CENPP: variants seen among roughly 807,000 people sequenced by gnomAD.
The protein encoded by CENPP is centromere protein P.
CENPP carries 24 observed loss-of-function variants against 35.6 expected under a neutral mutation model. That is an observed-to-expected ratio of 0.67 (90% confidence interval 0.49 to 0.95). The LOEUF (loss-of-function observed/expected upper bound fraction) is 0.95. Ranked by LOEUF, CENPP falls within the 40% of genes least tolerant of loss-of-function variation. The pLI, the probability that CENPP is intolerant of heterozygous loss-of-function variation, is 0.00. For missense variants in CENPP, 332 were observed against 345.3 expected (o/e 0.96, Z 0.31); for synonymous variants, 120 against 125.5 (o/e 0.96, Z 0.29).
In CENPP at chr9:92,616,201, T is replaced by C; in HGVS notation, c.*3052T>C. On this transcript the variant is annotated 3_prime_UTR_variant, in exon 8 of 8. Transcript: ENST00000375587. ...GCAAAGTTAGATAAATCAATCTCTTTTAAAAGAGAAGTGAATGGCCTCACA... is the reference window on the plus strand; with the variant it reads ...GCAAAGTTAGATAAATCAATCTCTTCTAAAAGAGAAGTGAATGGCCTCACA... 2 of 627,582 alleles carry C rather than the reference T, an allele frequency of 3.2e-6. No individual in the cohort carries two copies. Among genetic ancestry groups the C allele is most frequent in the South Asian group, 3.9e-5 (2 of 50,824 alleles). The allele number at this position is 627,582 out of a possible 1,614,324, so 38.9% of individuals were successfully genotyped here. A position where few individuals can be genotyped will look rare whatever the true frequency, so the allele number is the denominator to read the frequency against.
intron 5 of CENPP, among the ~76,000 whole-genome samples, chr9:92,395,180 G>A (rs1248134664): frequency 1.3e-5 from 2 of 152,042 alleles, no homozygotes; most frequent in African/African-American, 4.8e-5. Flanking sequence ...GTTTTCTCCT[G>A]CCCTTTGGTA....
At chr9:92,573,564 G>A (rs1850203164) in intron 5 of CENPP, among the ~76,000 whole-genome samples, 1 of 152,236 alleles carries the variant, frequency 6.6e-6, no homozygotes, top group Admixed American at 6.5e-5. Flanking sequence ...CACTTGAGAA[G>A]GCGGTCTGTC....
intron 5 of CENPP, among the ~76,000 whole-genome samples, chr9:92,525,540 CA>C (rs1222412927): frequency 6.6e-6 from 1 of 152,118 alleles, no homozygotes; most frequent in Non-Finnish European, 1.5e-5. Context: ...ACGCATTACT[CA>C]TAATGTTTGT....
rs1256837961 is a variant in CENPP at position 92,593,116 on chromosome 9, C to G, written c.565-18198C>G. Among the ~76,000 whole-genome samples the G allele has an allele frequency of 2.0e-5, 3 of 152,220 alleles. No homozygotes were observed. The highest frequency in any genetic ancestry group is 7.2e-5 in the African/African-American group (3 of 41,452). ...CAGCCCTGGCATCATCTGCCCTAAG[C>G]ATCCACTTCTCAATCCCAGGTGGCA... On this transcript the variant is annotated intron_variant, in intron 5 of 7. Transcript: ENST00000375587. The surrounding 1 kb of genome is among the most constrained non-coding windows in gnomAD (Gnocchi z 4.1).
intron 5 of CENPP, among the ~76,000 whole-genome samples, chr9:92,381,768 T>C (rs1161656097): frequency 6.6e-6 from 1 of 152,230 alleles, no homozygotes; most frequent in Non-Finnish European, 1.5e-5. Context: ...TGCTGGATCA[T>C]ATGGTAATTC....
At chr9:92,469,794 C>T (rs1298758142) in intron 5 of CENPP, among the ~76,000 whole-genome samples, 1 of 152,134 alleles carries the variant, frequency 6.6e-6, no homozygotes, top group African/African-American at 2.4e-5. Context: ...AAATGAGGTG[C>T]TCCTCCAAAC....
At chr9:92,357,752 C>G (rs182737912) in intron 4 of CENPP, among the ~76,000 whole-genome samples, 3 of 152,246 alleles carry the variant, frequency 2.0e-5, no homozygotes, top group Admixed American at 6.5e-5. Context: ...GCCTTGGCCT[C>G]TGAAAGTAGT....
chr9:92,421,494 A>T (rs1843793003), intron 5 of CENPP, among the ~76,000 whole-genome samples: 1 of 152,206 alleles, frequency 6.6e-6, no homozygotes, highest in Non-Finnish European at 1.5e-5. Flanking sequence ...TTAAGGAGTT[A>T]TGGTATCATA....
At chr9:92,592,017 A>G (rs889692125) in intron 5 of CENPP, among the ~76,000 whole-genome samples, 1 of 152,144 alleles carries the variant, frequency 6.6e-6, no homozygotes, top group African/African-American at 2.4e-5. Flanking sequence ...ACTAACCTGC[A>G]CATTGTGCAC....
At chr9:92,532,306 A>T (rs1489209031) in intron 5 of CENPP, among the ~76,000 whole-genome samples, 3 of 150,432 alleles carry the variant, frequency 2.0e-5, no homozygotes, top group African/African-American at 4.9e-5. Flanking sequence ...CAGCTGTTTC[A>T]CTCTGTATAC....
At chr9:92,465,893 C>T (rs1045858313) in intron 5 of CENPP, among the ~76,000 whole-genome samples, 8 of 149,556 alleles carry the variant, frequency 5.3e-5, no homozygotes, top group African/African-American at 1.2e-4. Flanking sequence ...AGTGCAGTGG[C>T]GCAATCTCGG....
chr9:92,350,868 C>A, intron 4 of CENPP, among the ~76,000 whole-genome samples: 1 of 152,086 alleles, frequency 6.6e-6, no homozygotes, highest in Admixed American at 6.6e-5. Flanking sequence ...CCAGGCTGGT[C>A]TCAAACTCCT....
intron 5 of CENPP, among the ~76,000 whole-genome samples, chr9:92,478,479 A>G (rs1319252019): frequency 6.6e-6 from 1 of 151,948 alleles, no homozygotes; most frequent in African/African-American, 2.4e-5. Context: ...TTCGAGATGG[A>G]GTCTCACTTT....
At chr9:92,423,567 A>AT (rs1217726574) in intron 5 of CENPP, among the ~76,000 whole-genome samples, 1 of 152,082 alleles carries the variant, frequency 6.6e-6, no homozygotes, top group Admixed American at 6.6e-5. Context: ...ATTTTATAAA[A>AT]TTTTTTTGCT....
At chr9:92,435,568 T>G (rs1844227439) in intron 5 of CENPP, among the ~76,000 whole-genome samples, 1 of 152,210 alleles carries the variant, frequency 6.6e-6, no homozygotes, top group Non-Finnish European at 1.5e-5. Flanking sequence ...ATAAATCTCT[T>G]GCCCTTCCCC....
intron 5 of CENPP, among the ~76,000 whole-genome samples, chr9:92,439,117 A>G (rs1844319810): frequency 6.6e-6 from 1 of 152,194 alleles, no homozygotes; most frequent in Admixed American, 6.5e-5. Context: ...GTCCGTTTTC[A>G]AGTATTTCAT....
intron 5 of CENPP, chr9:92,403,823 A>G (rs1237297978): frequency 9.1e-6 from 3 of 330,518 alleles, no homozygotes; most frequent in Non-Finnish European, 1.3e-5. Context: ...AGTTAAAAAT[A>G]TCATATTTCC....
intron 5 of CENPP, among the ~76,000 whole-genome samples, chr9:92,479,168 A>T (rs1312977790): frequency 6.6e-6 from 1 of 152,218 alleles, no homozygotes; most frequent in East Asian, 1.9e-4. Flanking sequence ...GGCAGGGAGC[A>T]GAACAGTAGT....
At chr9:92,442,188 A>G (rs1326365970) in intron 5 of CENPP, among the ~76,000 whole-genome samples, 1 of 152,044 alleles carries the variant, frequency 6.6e-6, no homozygotes, top group African/African-American at 2.4e-5. Context: ...TCCTGAGGTC[A>G]GGAGTTCGAG....
Sources: allele counts gnomAD v4.1 joint callset (sites outside exome capture counted in the v4.1 genomes callset), GRCh38; gene constraint gnomAD v4.1.1; non-coding constraint Gnocchi (gnomAD v3.1); transcripts MANE v1.5; gene names NCBI Gene and HGNC (gene_info 2026-07-23, HGNC 2026-07-21).